Variants in AFAP1 observed in about 807,000 individuals in gnomAD.
AFAP1 encodes the protein actin filament associated protein 1.
A neutral mutation model predicts 93.9 loss-of-function variants in AFAP1; 75 were observed. That is an observed-to-expected ratio of 0.80 (90% confidence interval 0.66 to 0.97). The LOEUF is 0.97. Ranked by LOEUF, AFAP1 falls within the 50% of genes least tolerant of loss-of-function variation. The probability of loss-of-function intolerance (pLI) is 0.00; values close to 1 mark genes in which losing one functional copy is unlikely to be tolerated. For synonymous variants in AFAP1, 517 were observed against 430.7 expected, an observed-to-expected ratio of 1.20 and a Z score of -2.48; for missense variants, 1,201 against 1,050.8, an observed-to-expected ratio of 1.14 and a Z score of -1.98.
chr4:7,765,564 C>T (rs1714434314), intron 17 of AFAP1, among the ~76,000 whole-genome samples: 1 of 152,228 alleles, frequency 6.6e-6, no homozygotes. Context: ...AGGCAGAAGC[C>T]TGGGCTACTC....
chr4:7,858,644 C>G (rs1715341017), intron 3 of AFAP1, among the ~76,000 whole-genome samples: 2 of 152,222 alleles, frequency 1.3e-5, no homozygotes, highest in South Asian at 4.1e-4. Context: ...AAAGCAGAGG[C>G]CAGGCAGGAA....
chr4:7,915,007 C>G (rs556871464), intron 1 of AFAP1, among the ~76,000 whole-genome samples: 1 of 152,324 alleles, frequency 6.6e-6, no homozygotes, highest in Non-Finnish European at 1.5e-5. Flanking sequence ...CTTCAGCCTC[C>G]CAAAAGTGCT....
chr4:7,781,388 C>G lies in AFAP1; in HGVS notation c.1770G>C (p.Gly590=). Residue 590 remains glycine (G), a synonymous_variant, in exon 13 of 18, where the codon GGG becomes GGC. Transcript: ENST00000420658. ...NTSSVGRASL[G]LNSQLKGKKP... is the part of the protein sequence containing the mutation. ...GAAGATGCCGTACCTGCGAGTTGAG[C>G]CCGAGAGACGCCCTCCCCACAGAAG... is the stretch of plus-strand genomic sequence containing the variant. 4 of 1,551,586 alleles carry G rather than the reference C, an allele frequency of 2.6e-6. No homozygotes were observed. Among genetic ancestry groups the G allele is most frequent in the Non-Finnish European group, 3.5e-6 (4 of 1,146,868 alleles).
chr4:7,925,234 G>A (rs751309552), intron 1 of AFAP1, among the ~76,000 whole-genome samples: 10 of 152,164 alleles, frequency 6.6e-5, no homozygotes, highest in South Asian at 4.1e-4. Context: ...GAAGCCCAGC[G>A]TGGCAGATTC....
intron 9 of AFAP1, among the ~76,000 whole-genome samples, chr4:7,807,121 A>C (rs1719583360): frequency 6.6e-6 from 1 of 152,168 alleles, no homozygotes; most frequent in African/African-American, 2.4e-5. Flanking sequence ...GTTTGGGCCA[A>C]AGTCTCTCAA....
intron 1 of AFAP1, among the ~76,000 whole-genome samples, chr4:7,929,963 C>T (rs1215790363): frequency 6.6e-6 from 1 of 152,166 alleles, no homozygotes; most frequent in African/African-American, 2.4e-5. Context: ...ATAAAGAGGC[C>T]ATGTATGCAG....
intron 3 of AFAP1, among the ~76,000 whole-genome samples, chr4:7,863,580 C>T (rs967507543): frequency 1.3e-5 from 2 of 152,152 alleles, no homozygotes; most frequent in Admixed American, 6.5e-5. Flanking sequence ...ACACGTGTGA[C>T]TTCAAAAATT....
intron 1 of AFAP1, among the ~76,000 whole-genome samples, chr4:7,931,501 C>T (rs1319623545): frequency 6.6e-6 from 1 of 151,766 alleles, no homozygotes; most frequent in Non-Finnish European, 1.5e-5. Flanking sequence ...AGGTGATCAA[C>T]CTCCTGAGTA....
intron 10 of AFAP1, among the ~76,000 whole-genome samples, chr4:7,800,125 G>A (rs1025559295): frequency 6.6e-6 from 1 of 152,182 alleles, no homozygotes; most frequent in Non-Finnish European, 1.5e-5. Context: ...TGTACTCTAT[G>A]GGATTGTGTA....
intron 4 of AFAP1, among the ~76,000 whole-genome samples, chr4:7,844,026 C>A (rs892774751): frequency 6.6e-6 from 1 of 152,144 alleles, no homozygotes; most frequent in Non-Finnish European, 1.5e-5. Context: ...GCTTCCTGTC[C>A]ATCCACTCGC....
intron 1 of AFAP1, among the ~76,000 whole-genome samples, chr4:7,917,516 G>C (rs1460272602): frequency 1.3e-5 from 2 of 152,082 alleles, no homozygotes; most frequent in Non-Finnish European, 2.9e-5. Context: ...TATTGCTTTT[G>C]TAAAGTTTTT....
rs1274978360 is a variant in AFAP1, at chr4:7,855,500, C to T, written c.300G>A (p.Leu100=). The T allele has an allele frequency of 1.2e-6, 2 of 1,613,406 alleles. No individual in the cohort carries two copies. Among genetic ancestry groups the T allele is most frequent in the Admixed American group, 3.3e-5 (2 of 59,956 alleles). ...TGTATTCCGGAGCTTTTCCGGGGCT[C>T]AGCGGCACAGCTTCCTCATAATAAC... is the stretch of plus-strand genomic sequence containing the variant. ...PEGYYEEAVP[L]SPGKAPEYIT... Residue 100 remains leucine (L), a synonymous_variant, in exon 4 of 18, where the codon CTG becomes CTA. Transcript: ENST00000420658.
Position 7,772,892 on chromosome 4 carries a change from C to A in AFAP1, c.2181G>T (p.Leu727=), listed in dbSNP as rs1341833728. The change falls in exon 16 of 18, where the codon CTG becomes CTT. Residue 727 remains leucine (L), a synonymous_variant. Coordinates refer to ENST00000420658, the MANE Select transcript of AFAP1 (RefSeq NM_001134647.2). ...ELELTEVKES[L]KKALAGGVTL... ...TGACTCCGCCCGCCAGCGCTTTCTT[C>A]AGGCTCTCCTTGACCTCCGTCAGCT... is the stretch of plus-strand genomic sequence containing the variant. The A allele has an allele frequency of 1.2e-6, 2 of 1,614,236 alleles. No individual in the cohort carries two copies. The highest frequency in any genetic ancestry group is 1.7e-6 in the Non-Finnish European group (2 of 1,180,046).
intron 11 of AFAP1, among the ~76,000 whole-genome samples, chr4:7,789,403 G>T (rs7654361): frequency 0.86 from 119,146 of 138,906 alleles, 51,586 homozygotes; most frequent in African/African-American, 0.96. Flanking sequence ...CACCAGCCCC[G>T]GCTTTCCATC....
Position 7,830,412 on chromosome 4 carries a change from C to T in AFAP1, c.726+8112G>A, listed in dbSNP as rs1441383583. On this transcript the variant is annotated intron_variant, in intron 6 of 17. Transcript: ENST00000420658. ...GTGGGACATGTGCTGGAAGACCTCA[C>T]GGCACCTCGGCCTGCAGTAGCAACA... 3.9e-5 allele frequency among the ~76,000 whole-genome samples: 6 copies of T among 152,236 alleles called. No individual in the cohort carries two copies. The East Asian group carries it at 9.7e-4, about 25-fold the overall frequency.
At chr4:7,794,471 C>A (rs1422050699) in intron 10 of AFAP1, among the ~76,000 whole-genome samples, 3 of 152,272 alleles carry the variant, frequency 2.0e-5, no homozygotes, top group Non-Finnish European at 1.5e-5. Context: ...ATTTGCAAGT[C>A]TGAAATATGT....
rs776720935 is a variant in AFAP1, at chr4:7,818,248, C to A, written c.822+828G>T. ...ACACTTCACCTGCACCATCGGCTCT[C>A]CTGGGTCTCCGCCTGCGGCCCACAC... On this transcript the variant is annotated intron_variant, in intron 7 of 17. Coordinates refer to ENST00000420658, the MANE Select transcript of AFAP1 (RefSeq NM_001134647.2). 5.9e-5 allele frequency among the ~76,000 whole-genome samples: 9 copies of A among 152,200 alleles called. No homozygotes were observed. The East Asian group carries it at 1.7e-3, about 29-fold the overall frequency.
chr4:7,791,802 A>G (rs1366261300), intron 11 of AFAP1, among the ~76,000 whole-genome samples: 1 of 151,142 alleles, frequency 6.6e-6, no homozygotes, highest in Non-Finnish European at 1.5e-5. Context: ...GCAATGAGTC[A>G]TAATTGTGCC....
intron 1 of AFAP1, among the ~76,000 whole-genome samples, chr4:7,927,793 T>A (rs999388138): frequency 6.6e-6 from 1 of 152,204 alleles, no homozygotes; most frequent in East Asian, 1.9e-4. Flanking sequence ...GATAAAAATT[T>A]CAGCTTTTTA....
Sources: allele counts gnomAD v4.1 joint callset (sites outside exome capture counted in the v4.1 genomes callset), GRCh38; gene constraint gnomAD v4.1.1; transcripts MANE v1.5; gene names NCBI Gene and HGNC (gene_info 2026-07-23, HGNC 2026-07-21).